MAP3K20: variants seen among roughly 807,000 people sequenced by gnomAD.
MAP3K20 encodes mitogen-activated protein kinase kinase kinase 20.
A neutral mutation model predicts 85.7 loss-of-function variants in MAP3K20; 40 were observed. That is an observed-to-expected ratio of 0.47 (90% CI 0.36 to 0.61). The LOEUF is 0.61. MAP3K20 is among the 20% of genes least tolerant of loss of function. The probability of loss-of-function intolerance (pLI) is 0.00; values close to 1 mark genes in which losing one functional copy is unlikely to be tolerated. For synonymous variants in MAP3K20, 325 were observed against 327.7 expected, an observed-to-expected ratio of 0.99 and a Z score of 0.09; for missense variants, 817 against 961.7, an observed-to-expected ratio of 0.85 and a Z score of 1.99.
intron 2 of MAP3K20, among the ~76,000 whole-genome samples, chr2:173,144,631 AAAGC>A (rs918537263): frequency 5.5e-4 from 84 of 152,170 alleles, no homozygotes; most frequent in Admixed American, 4.1e-3. Flanking sequence ...CTGGGAGTTC[AAAGC>A]TACAGTGAGC....
At chr2:173,135,586 G>A (rs1574045979) in intron 2 of MAP3K20, among the ~76,000 whole-genome samples, 1 of 152,286 alleles carries the variant, frequency 6.6e-6, no homozygotes, top group Middle Eastern at 3.4e-3. Context: ...TTAGAATCCT[G>A]AATGAAGGAG....
At chr2:173,253,756 C>T (rs1685093983) in intron 16 of MAP3K20, among the ~76,000 whole-genome samples, 1 of 152,198 alleles carries the variant, frequency 6.6e-6, no homozygotes. Context: ...TTCTATCACT[C>T]ACCTCAAGCT....
In MAP3K20 at chr2:173,258,684, T is replaced by C. The variant is rs920801060; in HGVS notation, c.1360-15T>C. On this transcript the variant is annotated splice_polypyrimidine_tract_variant and intron_variant, in intron 16 of 19. Coordinates refer to ENST00000375213, the MANE Select transcript of MAP3K20 (RefSeq NM_016653.3). ...TTCACTTTCTCAAATTCTGTAATTT[T>C]GTTTTTAATTCCAGGATTGTAAGTG... The C allele has an allele frequency of 1.9e-5, 26 of 1,339,400 alleles. No individual in the cohort carries two copies. The highest frequency in any genetic ancestry group is 2.5e-5 in the Non-Finnish European group (25 of 1,001,866). 83.0% of individuals were successfully genotyped at this position (1,339,400 alleles called of 1,614,324 possible). A position where few individuals can be genotyped will look rare whatever the true frequency, so the allele number is the denominator to read the frequency against.
chr2:173,227,862 G>A (rs999552664), intron 11 of MAP3K20, among the ~76,000 whole-genome samples: 1 of 152,138 alleles, frequency 6.6e-6, no homozygotes, highest in Non-Finnish European at 1.5e-5. Context: ...AACCAAAAAA[G>A]TTTCGTATTT....
intron 2 of MAP3K20, among the ~76,000 whole-genome samples, chr2:173,107,156 C>T (rs1207161790): frequency 6.6e-6 from 1 of 152,134 alleles, no homozygotes; most frequent in Non-Finnish European, 1.5e-5. Context: ...GATGCAATCT[C>T]ATGACAGAAG....
chr2:173,150,392 G>A (rs1012588686), intron 2 of MAP3K20, among the ~76,000 whole-genome samples: 3 of 152,066 alleles, frequency 2.0e-5, no homozygotes, highest in Admixed American at 6.6e-5. Context: ...CTTTTCCAAC[G>A]CTCTATTCTC....
intron 10 of MAP3K20, among the ~76,000 whole-genome samples, chr2:173,213,492 C>T (rs867699519): frequency 3.9e-5 from 6 of 152,212 alleles, no homozygotes; most frequent in Non-Finnish European, 7.3e-5. Flanking sequence ...TAATAATAAA[C>T]ACAGTTGTCA....
At chr2:173,134,301 C>A (rs1000299596) in intron 2 of MAP3K20, among the ~76,000 whole-genome samples, 1 of 140,728 alleles carries the variant, frequency 7.1e-6, no homozygotes, top group African/African-American at 2.7e-5. Flanking sequence ...CAGGTTCAAG[C>A]AGTTCTCCAG....
rs539296542 is a variant in MAP3K20 at position 173,125,878 on chromosome 2, G to A, written c.159+34688G>A. Among the ~76,000 whole-genome samples, 5 of 152,170 alleles carry A rather than the reference G, an allele frequency of 3.3e-5. 1 individual carries two copies. Among genetic ancestry groups the A allele is most frequent in the African/African-American group, 9.6e-5 (4 of 41,538 alleles). The stretch of plus-strand genomic sequence containing the variant: ...GGGGTTTCACTGTGTTAGCCAGGAT[G>A]GTCTCGATCTCCTGACCTCATGATC... On this transcript the variant is annotated intron_variant, in intron 2 of 19. Transcript: ENST00000375213.
chr2:173,221,442 G>C (rs1046382746), intron 11 of MAP3K20: 4 of 1,613,704 alleles, frequency 2.5e-6, no homozygotes, highest in Non-Finnish European at 3.4e-6. Flanking sequence ...ATGGCTCTGG[G>C]GTTCAGTGAT....
chr2:173,136,539 A>C (rs553755819), intron 2 of MAP3K20, among the ~76,000 whole-genome samples: 53 of 152,252 alleles, frequency 3.5e-4, no homozygotes, highest in Non-Finnish European at 6.5e-4. Context: ...GGAAGATTCT[A>C]AATGACAATC....
chr2:173,208,908 G>A (rs896363540), intron 9 of MAP3K20, among the ~76,000 whole-genome samples: 9 of 152,294 alleles, frequency 5.9e-5, no homozygotes, highest in African/African-American at 1.4e-4. Context: ...ACCTTGGCTA[G>A]AGTCTAAAGA....
At chr2:173,233,512 G>C (rs1298506469) in intron 14 of MAP3K20, among the ~76,000 whole-genome samples, 1 of 152,162 alleles carries the variant, frequency 6.6e-6, no homozygotes, top group East Asian at 1.9e-4. Flanking sequence ...TGGTCATTGT[G>C]ACTAATCTTG....
intron 1 of MAP3K20, among the ~76,000 whole-genome samples, chr2:173,082,332 C>T (rs1338283221): frequency 1.3e-5 from 2 of 152,176 alleles, no homozygotes; most frequent in Admixed American, 1.3e-4. Flanking sequence ...ATCATCAAAA[C>T]ATAATATAAG....
intron 16 of MAP3K20, among the ~76,000 whole-genome samples, chr2:173,243,024 A>G (rs1684827978): frequency 1.3e-5 from 2 of 152,176 alleles, no homozygotes; most frequent in East Asian, 3.9e-4. Context: ...AATTTTATCT[A>G]TTCATTTGGC....
intron 2 of MAP3K20, among the ~76,000 whole-genome samples, chr2:173,159,794 A>G (rs1689595420): frequency 6.6e-6 from 1 of 152,128 alleles, no homozygotes; most frequent in South Asian, 2.1e-4. Flanking sequence ...CTGGTCTTAA[A>G]TCTTCACTCT....
chr2:173,167,297 G>C (rs1210104636), intron 2 of MAP3K20, among the ~76,000 whole-genome samples: 1 of 151,880 alleles, frequency 6.6e-6, no homozygotes, highest in African/African-American at 2.4e-5. Context: ...GCTGTCAGAG[G>C]GTGATTGCAA....
chr2:173,233,410 C>G (rs1474267794), intron 14 of MAP3K20, among the ~76,000 whole-genome samples: 2 of 152,182 alleles, frequency 1.3e-5, no homozygotes, highest in Non-Finnish European at 2.9e-5. Context: ...CCTCTGTGTT[C>G]ATTGTGGTGG....
Position 173,267,578 on chromosome 2 carries a change from T to C in MAP3K20, c.*828T>C, listed in dbSNP as rs1226582444. 5 of 152,222 alleles carry C rather than the reference T, an allele frequency of 3.3e-5. No individual in the cohort carries two copies. Among genetic ancestry groups the C allele is most frequent in the African/African-American group, 1.2e-4 (5 of 41,456 alleles). 9.4% of individuals were successfully genotyped at this position (152,222 alleles called of 1,614,324 possible). On this transcript the variant is annotated 3_prime_UTR_variant, in exon 20 of 20. Transcript: ENST00000375213. ...ATTTATCAGAAACCAAAGATTTAAA[T>C]TGCCTAGATTTGTGGTTCTTTCTCT...
Sources: gnomAD v4.1 joint callset for allele counts (sites outside exome capture counted in the v4.1 genomes callset) on GRCh38, gnomAD v4.1.1 for gene constraint, MANE v1.5 for transcripts, NCBI Gene and HGNC (gene_info 2026-07-23, HGNC 2026-07-21) for gene names.